The following TSPAN17 variants were observed in gnomAD, a reference collection of about 807,000 sequenced individuals.
The protein encoded by TSPAN17 is tetraspanin 17, also known as tetraspanin-17.
A neutral mutation model predicts 40.5 loss-of-function variants in TSPAN17; 33 were observed. That is an observed-to-expected ratio of 0.81 (90% CI 0.62 to 1.09). The LOEUF (loss-of-function observed/expected upper bound fraction) is 1.09. Among genes scored for constraint, TSPAN17 ranks in the 50% least tolerant of loss-of-function variants. The pLI is 0.00. For synonymous variants in TSPAN17, 166 were observed against 169.4 expected, an observed-to-expected ratio of 0.98 and a Z score of 0.15; for missense variants, 365 against 416.8, an observed-to-expected ratio of 0.88 and a Z score of 1.08.
chr5:176,656,742 G>T lies in TSPAN17; in HGVS notation c.673G>T (p.Gly225Cys). The change falls in exon 7 of 9, where the codon GGC becomes TGC. Residue 225 changes from glycine (G) to cysteine (C), a missense_variant. Transcript: ENST00000508164. The stretch of plus-strand genomic sequence containing the variant: ...CTTCATCCACACCAAAGGCTGCGTG[G>T]GCCAGTTTGAGAAGTGGCTGCAGGA... ...QGFIHTKGCV[G>C]QFEKWLQDNL... is the part of the protein sequence containing the mutation. 1 of 1,614,188 alleles carries T rather than the reference G, an allele frequency of 6.2e-7. No homozygotes were observed. Among genetic ancestry groups the T allele is most frequent in the Non-Finnish European group, 8.5e-7 (1 of 1,180,010 alleles).
rs768218392 is a variant in TSPAN17 at position 176,654,998 on chromosome 5, C to G, written c.560C>G (p.Ser187Cys). 5 of 1,608,424 alleles carry G rather than the reference C, an allele frequency of 3.1e-6. No homozygotes were observed. Among genetic ancestry groups the G allele is most frequent in the Admixed American group, 1.7e-5 (1 of 59,330 alleles). ...CGGGAGCGCTGCGGGGTGCCCTTCT[C>G]CTGCTGCGTCAGGGACCCTGCGGTG... Reference protein sequence around the residue: ...PSRERCGVPFSCCVRDPAEDV... With the variant: ...PSRERCGVPFCCCVRDPAEDV... The change falls in exon 5 of 9, where the codon TCC becomes TGC. Residue 187 changes from serine (S) to cysteine (C), a missense_variant. Transcript: ENST00000508164. This position sits in a 1 kb window ranked among gnomAD's most constrained non-coding sequence, Gnocchi z 4.3.
chr5:176,649,698 A>G (rs1760889241), intron 1 of TSPAN17, among the ~76,000 whole-genome samples: 1 of 152,112 alleles, frequency 6.6e-6, no homozygotes, highest in Admixed American at 6.5e-5. Context: ...AAGTGCTGGG[A>G]TTACAGGCGT....
rs767865274 is a variant in TSPAN17 at position 176,655,031 on chromosome 5, C to A, written c.582+11C>A. On this transcript the variant is annotated intron_variant, in intron 5 of 8. Coordinates refer to ENST00000508164, the MANE Select transcript of TSPAN17 (RefSeq NM_130465.5). ...GTCAGGGACCCTGCGGTGAGTGGGG[C>A]TGGGGGAGGAGAGGTAAGGGACTTT... is the stretch of plus-strand genomic sequence containing the variant. 8 of 1,596,552 alleles carry A rather than the reference C, an allele frequency of 5.0e-6. No homozygotes were observed. Among genetic ancestry groups the A allele is most frequent in the Non-Finnish European group, 6.8e-6 (8 of 1,171,246 alleles).
rs1421389715 is a variant in TSPAN17, at chr5:176,651,068, G to A, written c.88-548G>A. Among the ~76,000 whole-genome samples, 1 of 152,184 alleles carries A rather than the reference G, an allele frequency of 6.6e-6. No individual in the cohort carries two copies. Among genetic ancestry groups the A allele is most frequent in the Non-Finnish European group, 1.5e-5 (1 of 68,024 alleles). ...CCTGCTAGGGATGATTGAGATTCCT[G>A]TCATTCAGGGGTGTCTGGTCGTGAG... On this transcript the variant is annotated intron_variant, in intron 1 of 8. Coordinates refer to ENST00000508164, the MANE Select transcript of TSPAN17 (RefSeq NM_130465.5). The surrounding 1 kb of genome is among the most constrained non-coding windows in gnomAD (Gnocchi z 4.5).
chr5:176,649,251 A>AT (rs1491383468), intron 1 of TSPAN17, among the ~76,000 whole-genome samples: 2 of 151,888 alleles, frequency 1.3e-5, no homozygotes, highest in Non-Finnish European at 2.9e-5. Flanking sequence ...TGGGAAAGTC[A>AT]AGAGGCTGAA....
Position 176,651,672 on chromosome 5 carries a change from G to T in TSPAN17, c.138+6G>T. On this transcript the variant is annotated splice_donor_region_variant and intron_variant, in intron 2 of 8. Coordinates refer to ENST00000508164, the MANE Select transcript of TSPAN17 (RefSeq NM_130465.5). This position sits in a 1 kb window ranked among gnomAD's most constrained non-coding sequence, Gnocchi z 4.5. ...TCTGGGCCTGGGGTGAGAAGGTAAG[G>T]CAGCGGGCGGGCGTGGAGCTGGTAT... The T allele has an allele frequency of 1.9e-6, 3 of 1,614,008 alleles. No homozygotes were observed. The highest frequency in any genetic ancestry group is 2.5e-6 in the Non-Finnish European group (3 of 1,179,888).
At position 176,650,199 on chromosome 5, in the gene TSPAN17, G is replaced by C. The variant is rs1262768002; in HGVS notation, c.88-1417G>C. 6.6e-6 allele frequency among the ~76,000 whole-genome samples: 1 copy of C among 152,142 alleles called. No homozygotes were observed. Among genetic ancestry groups the C allele is most frequent in the African/African-American group, 2.4e-5 (1 of 41,420 alleles). On this transcript the variant is annotated intron_variant, in intron 1 of 8. Coordinates refer to ENST00000508164, the MANE Select transcript of TSPAN17 (RefSeq NM_130465.5). The surrounding 1 kb of genome is among the most constrained non-coding windows in gnomAD (Gnocchi z 4.0). Reference sequence around the variant, plus strand: ...ACGTAGGGGTGTGGGACCAGCATGAGGTCTGGGTGGGGATCGGGAGATGCC... The same window carrying C: ...ACGTAGGGGTGTGGGACCAGCATGACGTCTGGGTGGGGATCGGGAGATGCC...
chr5:176,649,127 G>A (rs116385451), intron 1 of TSPAN17, among the ~76,000 whole-genome samples: 171 of 152,176 alleles, frequency 1.1e-3, no homozygotes, highest in African/African-American at 4.0e-3. Flanking sequence ...TCTGGAGACC[G>A]CTTGCCTGGC....
chr5:176,649,189 C>T (rs1264953258), intron 1 of TSPAN17, among the ~76,000 whole-genome samples: 1 of 151,368 alleles, frequency 6.6e-6, no homozygotes, highest in Non-Finnish European at 1.5e-5. Context: ...GGAATGGGGG[C>T]AGGGCTGGGG....
intron 1 of TSPAN17, 94 bp downstream of exon 1, chr5:176,647,796 A>G: frequency 8.1e-7 from 1 of 1,229,280 alleles, no homozygotes; most frequent in Admixed American, 2.3e-5. Context: ...CTGCCCCAAG[A>G]GTTTGGAGCT....
Position 176,655,051 on chromosome 5 carries a change from G to A in TSPAN17, c.582+31G>A. On this transcript the variant is annotated intron_variant, in intron 5 of 8. Transcript: ENST00000508164. The stretch of plus-strand genomic sequence containing the variant: ...TGGGGCTGGGGGAGGAGAGGTAAGG[G>A]ACTTTCCAGTGCACAGACTCTGGAG... 3 of 1,579,692 alleles carry A rather than the reference G, an allele frequency of 1.9e-6. No homozygotes were observed. In the South Asian group the frequency reaches 3.4e-5, roughly 18 times the overall value.
Position 176,657,880 on chromosome 5 carries a change from C to T in TSPAN17, c.*182C>T, listed in dbSNP as rs1438932517. On this transcript the variant is annotated 3_prime_UTR_variant, in exon 9 of 9. Transcript: ENST00000508164. ...TACACTAGGAGCTGGCCTCCCACCTCTGCAGGGTTATTCCCTGCACCTCGA... is the reference window on the plus strand; with the variant it reads ...TACACTAGGAGCTGGCCTCCCACCTTTGCAGGGTTATTCCCTGCACCTCGA... 4 of 1,170,480 alleles carry T rather than the reference C, an allele frequency of 3.4e-6. No homozygotes were observed. Among genetic ancestry groups the T allele is most frequent in the Admixed American group, 6.8e-5 (2 of 29,300 alleles). 72.5% of individuals were successfully genotyped at this position (1,170,480 alleles called of 1,614,324 possible). A position where few individuals can be genotyped will look rare whatever the true frequency, so the allele number is the denominator to read the frequency against.
chr5:176,654,773 A>C lies in TSPAN17; in HGVS notation c.457-122A>C. On this transcript the variant is annotated intron_variant, in intron 4 of 8. Coordinates refer to ENST00000508164, the MANE Select transcript of TSPAN17 (RefSeq NM_130465.5). The surrounding 1 kb of genome is among the most constrained non-coding windows in gnomAD (Gnocchi z 4.3). ...TGTGGGGGTGGGGAGGTGGCCACCC[A>C]CTTGGCTGTCCCAGCCCTGTCCCAG... is the stretch of plus-strand genomic sequence containing the variant. The C allele has an allele frequency of 7.6e-7, 1 of 1,321,162 alleles. No individual in the cohort carries two copies. The highest frequency in any genetic ancestry group is 1.0e-6 in the Non-Finnish European group (1 of 973,874). 81.8% of individuals were successfully genotyped at this position (1,321,162 alleles called of 1,614,324 possible).
chr5:176,652,972 A>G, intron 4 of TSPAN17, 59 bp downstream of exon 4: 1 of 1,577,900 alleles, frequency 6.3e-7, no homozygotes, highest in Non-Finnish European at 8.7e-7. Flanking sequence ...CAGACGAATG[A>G]GGGAGCAAGT....
intron 7 of TSPAN17, 37 bp from the exon 8 acceptor site, chr5:176,656,858 G>C: frequency 6.2e-7 from 1 of 1,614,070 alleles, no homozygotes; most frequent in Non-Finnish European, 8.5e-7. Flanking sequence ...TGCCGGGGCC[G>C]CCCTCACTCT....
Position 176,658,047 on chromosome 5 carries a change from A to T in TSPAN17, c.*349A>T. Reference sequence around the variant, plus strand: ...AGTAGAGTGCCCAGGAGAGGGTCTGAGGGGTGGGATGGGGGTCAGGACAAT... The same window carrying T: ...AGTAGAGTGCCCAGGAGAGGGTCTGTGGGGTGGGATGGGGGTCAGGACAAT... On this transcript the variant is annotated 3_prime_UTR_variant, in exon 9 of 9. Coordinates refer to ENST00000508164, the MANE Select transcript of TSPAN17 (RefSeq NM_130465.5). 2.9e-5 allele frequency: 5 copies of T among 169,716 alleles called. No individual in the cohort carries two copies. The highest frequency in any genetic ancestry group is 1.8e-4 in the East Asian group (1 of 5,468). 10.5% of individuals were successfully genotyped at this position (169,716 alleles called of 1,614,324 possible).
intron 3 of TSPAN17, 104 bp from the exon 4 acceptor site, chr5:176,652,639 T>C: frequency 8.8e-7 from 1 of 1,133,624 alleles, no homozygotes; most frequent in Non-Finnish European, 1.3e-6. Context: ...CTCTGGGTCT[T>C]GGTGGAGGTA....
rs374375838 is a variant in TSPAN17 at position 176,651,885 on chromosome 5, C to T, written c.270C>T (p.Thr90=). ...AGCIGALREN[T]FLLKFFSVFL... ...GCATTGGGGCCCTCCGGGAGAACACCTTCCTGCTCAAGTTTGTGAGTGCTG... is the reference window on the plus strand; with the variant it reads ...GCATTGGGGCCCTCCGGGAGAACACTTTCCTGCTCAAGTTTGTGAGTGCTG... The change falls in exon 3 of 9, where the codon ACC becomes ACT. Residue 90 remains threonine, a synonymous_variant. Transcript: ENST00000508164. The surrounding 1 kb of genome is among the most constrained non-coding windows in gnomAD (Gnocchi z 4.5). 2.4e-5 allele frequency: 39 copies of T among 1,613,926 alleles called. No homozygotes were observed. The highest frequency in any genetic ancestry group is 3.2e-5 in the Non-Finnish European group (38 of 1,180,020).
Position 176,651,673 on chromosome 5 carries a change from C to T in TSPAN17, c.138+7C>T. The T allele has an allele frequency of 6.2e-7, 1 of 1,613,946 alleles. No homozygotes were observed. Among genetic ancestry groups the T allele is most frequent in the Non-Finnish European group, 8.5e-7 (1 of 1,179,892 alleles). On this transcript the variant is annotated splice_region_variant and intron_variant, in intron 2 of 8. Coordinates refer to ENST00000508164, the MANE Select transcript of TSPAN17 (RefSeq NM_130465.5). The surrounding 1 kb of genome is among the most constrained non-coding windows in gnomAD (Gnocchi z 4.5). ...CTGGGCCTGGGGTGAGAAGGTAAGG[C>T]AGCGGGCGGGCGTGGAGCTGGTATG...
Sources: allele counts gnomAD v4.1 joint callset (sites outside exome capture counted in the v4.1 genomes callset), GRCh38; gene constraint gnomAD v4.1.1; non-coding constraint Gnocchi (gnomAD v3.1); transcripts MANE v1.5; gene names NCBI Gene and HGNC (gene_info 2026-07-23, HGNC 2026-07-21).